Variants in SYT7 observed in about 807,000 individuals in gnomAD.
The protein encoded by SYT7 is synaptotagmin 7.
A neutral mutation model predicts 75.1 loss-of-function variants in SYT7; 29 were observed. The observed-to-expected ratio is 0.39, with a 90% CI of 0.29 to 0.53. The LOEUF (loss-of-function observed/expected upper bound fraction) is 0.53. Ranked by LOEUF, SYT7 falls within the 20% of genes least tolerant of loss-of-function variation. The probability of loss-of-function intolerance (pLI) is 0.77; values close to 1 mark genes in which losing one functional copy is unlikely to be tolerated. For synonymous variants in SYT7, 376 were observed against 401.7 expected (o/e 0.94, Z 0.76); for missense variants, 693 against 953.2 (o/e 0.73, Z 3.59).
At chr11:61,578,765 C>T (rs556629466) in intron 1 of SYT7, among the ~76,000 whole-genome samples, 20 of 152,310 alleles carry the variant, frequency 1.3e-4, no homozygotes, top group African/African-American at 4.8e-4. Flanking sequence ...TCTGACCCCA[C>T]CCAGCCCAAT....
At chr11:61,587,979 C>T in the SYT7 span, among the ~76,000 whole-genome samples, 1 of 152,230 alleles carries the variant, frequency 6.6e-6, no homozygotes, top group Non-Finnish European at 1.5e-5. Flanking sequence ...ATTGAGGCCC[C>T]ACCCTCTGCC....
intron 9 of SYT7, among the ~76,000 whole-genome samples, chr11:61,526,829 T>C (rs1293308976): frequency 1.3e-5 from 2 of 152,044 alleles, no homozygotes; most frequent in Non-Finnish European, 2.9e-5. Flanking sequence ...CTCAGTGCCA[T>C]TTAGTGGGTG....
At chr11:61,562,583 C>G (rs1273140599) in intron 1 of SYT7, among the ~76,000 whole-genome samples, 1 of 152,180 alleles carries the variant, frequency 6.6e-6, no homozygotes, top group Non-Finnish European at 1.5e-5. Flanking sequence ...AAATGAAATA[C>G]TGGATTGGAT....
rs2062437945 is a variant in SYT7, at chr11:61,524,186, C to T, written c.1641+177G>A. 1.3e-5 allele frequency among the ~76,000 whole-genome samples: 2 copies of T among 152,186 alleles called. No homozygotes were observed. Among genetic ancestry groups the T allele is most frequent in the Admixed American group, 1.3e-4 (2 of 15,278 alleles). On this transcript the variant is annotated intron_variant, in intron 10 of 12. Coordinates refer to ENST00000539008, the MANE Select transcript of SYT7 (RefSeq NM_001365809.2). This position sits in a 1 kb window ranked among gnomAD's most constrained non-coding sequence, Gnocchi z 4.1. Reference sequence around the variant, plus strand: ...TTCTTACAGATCGGGTGAGTCCCCCCAAGTGCCAAGCACCAATGTTCTGAC... The same window carrying T: ...TTCTTACAGATCGGGTGAGTCCCCCTAAGTGCCAAGCACCAATGTTCTGAC...
intron 1 of SYT7, among the ~76,000 whole-genome samples, chr11:61,569,117 G>A (rs1047805534): frequency 5.3e-5 from 8 of 152,138 alleles, no homozygotes; most frequent in South Asian, 4.2e-4. Context: ...CCTACTCCCC[G>A]GGGTCCATTG....
At chr11:61,557,708 C>T (rs1309851103) in intron 1 of SYT7, among the ~76,000 whole-genome samples, 3 of 152,238 alleles carry the variant, frequency 2.0e-5, no homozygotes, top group Non-Finnish European at 4.4e-5. Flanking sequence ...CCCCGGAAGC[C>T]CCTGCACCCA....
chr11:61,570,679 G>A (rs1387081013), intron 1 of SYT7, among the ~76,000 whole-genome samples: 1 of 152,138 alleles, frequency 6.6e-6, no homozygotes, highest in Non-Finnish European at 1.5e-5. Context: ...GAGTTCCCAA[G>A]GTCCCAGAAC....
chr11:61,575,691 G>A (rs1264612078), intron 1 of SYT7, among the ~76,000 whole-genome samples: 1 of 152,204 alleles, frequency 6.6e-6, no homozygotes, highest in African/African-American at 2.4e-5. Context: ...CCAGGTACAG[G>A]GCCGGGGGAG....
intron 7 of SYT7, chr11:61,533,485 C>T (rs1218419202): frequency 1.0e-6 from 1 of 985,316 alleles, no homozygotes; most frequent in Non-Finnish European, 1.2e-6. Flanking sequence ...CTTGTTCTAT[C>T]CCATCCGCCC....
At chr11:61,525,354 C>G (rs1442302493) in intron 9 of SYT7, among the ~76,000 whole-genome samples, 1 of 152,176 alleles carries the variant, frequency 6.6e-6, no homozygotes, top group African/African-American at 2.4e-5. Context: ...CACAATTTGG[C>G]CCGGCTGTCC....
chr11:61,524,599 G>A lies in SYT7; in HGVS notation c.1472-67C>T. On this transcript the variant is annotated intron_variant, in intron 9 of 12. Transcript: ENST00000539008. This position sits in a 1 kb window ranked among gnomAD's most constrained non-coding sequence, Gnocchi z 4.1. ...GGCTGCACGGGGCCCGGGAGGCAAG[G>A]AAGGCCCTGGGAAGAGGAGGCAGGC... is the stretch of plus-strand genomic sequence containing the variant. 1 of 1,490,938 alleles carries A rather than the reference G, an allele frequency of 6.7e-7. No individual in the cohort carries two copies. Among genetic ancestry groups the A allele is most frequent in the South Asian group, 1.3e-5 (1 of 74,834 alleles). 92.4% of individuals were successfully genotyped at this position (1,490,938 alleles called of 1,614,324 possible). A position where few individuals can be genotyped will look rare whatever the true frequency, so the allele number is the denominator to read the frequency against.
upstream of SYT7, among the ~76,000 whole-genome samples, chr11:61,581,400 G>T (rs2064270131): frequency 1.3e-5 from 2 of 152,040 alleles, no homozygotes; most frequent in African/African-American, 4.8e-5. Flanking sequence ...GTGCTCCCCC[G>T]ATGGCCGCGG....
chr11:61,532,191 T>C (rs2062733426), intron 8 of SYT7, among the ~76,000 whole-genome samples: 1 of 152,156 alleles, frequency 6.6e-6, no homozygotes, highest in Non-Finnish European at 1.5e-5. Context: ...CCAGGTCAAG[T>C]CCAGTAGGAA....
intron 1 of SYT7, among the ~76,000 whole-genome samples, chr11:61,561,243 G>A (rs575233254): frequency 1.3e-5 from 2 of 152,336 alleles, no homozygotes; most frequent in East Asian, 1.9e-4. Context: ...GTAAGGCACA[G>A]CATAGACAAG....
intron 1 of SYT7, among the ~76,000 whole-genome samples, chr11:61,577,688 G>A (rs1407864001): frequency 6.6e-6 from 1 of 152,220 alleles, no homozygotes; most frequent in South Asian, 2.1e-4. Context: ...CCTGCCTAGT[G>A]GAGTGTCTGT....
intron 9 of SYT7, among the ~76,000 whole-genome samples, chr11:61,526,918 G>A (rs902056004): frequency 6.6e-6 from 1 of 152,144 alleles, no homozygotes; most frequent in Non-Finnish European, 1.5e-5. Context: ...TGGGGTACAC[G>A]GTGAAGATTC....
chr11:61,577,577 G>C (rs1437520664), intron 1 of SYT7, among the ~76,000 whole-genome samples: 1 of 152,220 alleles, frequency 6.6e-6, no homozygotes, highest in African/African-American at 2.4e-5. Context: ...CTTGTGCCCA[G>C]TGACTGGAGG....
upstream of SYT7, among the ~76,000 whole-genome samples, chr11:61,583,091 G>A (rs79051465): frequency 0.032 from 4,796 of 152,094 alleles, 281 homozygotes; most frequent in African/African-American, 0.11. Context: ...GCCCAGTGTA[G>A]TGGTGCGCCC....
chr11:61,517,250 C>T lies in SYT7; in HGVS notation c.*1377G>A. ...CAGGGATCAGCCTGAAATCTGCCGT[C>T]TCCAAGGGGAAGCCAGTTTTAGTCT... is the stretch of plus-strand genomic sequence containing the variant. On this transcript the variant is annotated 3_prime_UTR_variant, in exon 13 of 13. Coordinates refer to ENST00000539008, the MANE Select transcript of SYT7 (RefSeq NM_001365809.2). 2.5e-6 allele frequency: 1 copy of T among 398,586 alleles called. No individual in the cohort carries two copies. The highest frequency in any genetic ancestry group is 4.4e-6 in the Non-Finnish European group (1 of 226,072). The allele number at this position is 398,586 out of a possible 1,614,324, so 24.7% of individuals were successfully genotyped here.
Sources: allele counts gnomAD v4.1 joint callset (sites outside exome capture counted in the v4.1 genomes callset), GRCh38; gene constraint gnomAD v4.1.1; non-coding constraint Gnocchi (gnomAD v3.1); transcripts MANE v1.5; gene names NCBI Gene and HGNC (gene_info 2026-07-23, HGNC 2026-07-21).